ACBD6: variants seen among roughly 807,000 people sequenced by gnomAD.
The protein encoded by ACBD6 is acyl-CoA binding domain containing 6, also known as acyl-CoA-binding domain-containing protein 6.
ACBD6 carries 28 observed loss-of-function variants against 37.2 expected under a neutral mutation model. The ratio of observed to expected loss-of-function variants is 0.75; its 90% CI spans 0.56 to 1.03. The LOEUF is 1.03. Among genes scored for constraint, ACBD6 ranks in the 50% least tolerant of loss-of-function variants. The probability of loss-of-function intolerance (pLI) is 0.00; values close to 1 mark genes in which losing one functional copy is unlikely to be tolerated. For synonymous variants in ACBD6, 113 were observed against 126.8 expected, an observed-to-expected ratio of 0.89 and a Z score of 0.73; for missense variants, 340 against 337.4, an observed-to-expected ratio of 1.01 and a Z score of -0.06.
In ACBD6 at chr1:180,476,353, T is replaced by G. The variant is rs75517043; in HGVS notation, c.384+15916A>C. On this transcript the variant is annotated intron_variant, in intron 3 of 7. Coordinates refer to ENST00000367595, the MANE Select transcript of ACBD6 (RefSeq NM_032360.4). ...AGGATGTAAATAACTCCCACAAGCT[T>G]TGCATTCCAATAATGGAACACTAGG... is the stretch of plus-strand genomic sequence containing the variant. Among the ~76,000 whole-genome samples, 176 of 152,364 alleles carry G rather than the reference T, an allele frequency of 1.2e-3. 5 individuals carry two copies. In the East Asian group the frequency reaches 0.032, roughly 28 times the overall value.
chr1:180,307,491 C>T (rs1421416908), intron 7 of ACBD6, among the ~76,000 whole-genome samples: 1 of 152,018 alleles, frequency 6.6e-6, no homozygotes, highest in East Asian at 1.9e-4. Context: ...TTGTATACTT[C>T]AAAATAGGTA....
chr1:180,302,340 C>A (rs550858636), intron 7 of ACBD6, among the ~76,000 whole-genome samples: 74 of 151,588 alleles, frequency 4.9e-4, no homozygotes, highest in African/African-American at 1.7e-3. Context: ...TCAGGAATCT[C>A]CAAAATATTT....
intron 6 of ACBD6, among the ~76,000 whole-genome samples, chr1:180,349,898 G>GT (rs1558261370): frequency 6.6e-6 from 1 of 151,532 alleles, no homozygotes; most frequent in African/African-American, 2.4e-5. Flanking sequence ...ATAAAATCAC[G>GT]TAAATATTTT....
intron 3 of ACBD6, among the ~76,000 whole-genome samples, chr1:180,461,153 A>G (rs765658233): frequency 6.6e-6 from 1 of 152,210 alleles, no homozygotes; most frequent in Non-Finnish European, 1.5e-5. Context: ...ACAATTTTAG[A>G]GCTTGAAGAC....
At chr1:180,282,205 A>AT (rs1649333236) in intron 8 of ACBD6, among the ~76,000 whole-genome samples, 1 of 152,210 alleles carries the variant, frequency 6.6e-6, no homozygotes, top group Non-Finnish European at 1.5e-5. Flanking sequence ...AGCTGCCTCT[A>AT]GAGTTGTAGG....
At chr1:180,453,160 A>G in intron 3 of ACBD6, among the ~76,000 whole-genome samples, 1 of 152,238 alleles carries the variant, frequency 6.6e-6, no homozygotes, top group East Asian at 1.9e-4. Flanking sequence ...CGATGCAAAA[A>G]TCTTCAATAA....
At chr1:180,481,021 C>A (rs1251666945) in intron 3 of ACBD6, among the ~76,000 whole-genome samples, 1 of 150,400 alleles carries the variant, frequency 6.6e-6, no homozygotes, top group Non-Finnish European at 1.5e-5. Context: ...CAGAGTGAGA[C>A]TCCGTCTCAA....
At chr1:180,282,299 T>C (rs961470483) in intron 8 of ACBD6, among the ~76,000 whole-genome samples, 4 of 151,622 alleles carry the variant, frequency 2.6e-5, no homozygotes, top group African/African-American at 9.7e-5. Flanking sequence ...CTGGGAGGGG[T>C]TGGGGATTTG....
chr1:180,370,336 T>C (rs1004512845), intron 6 of ACBD6, among the ~76,000 whole-genome samples: 4 of 152,210 alleles, frequency 2.6e-5, no homozygotes, highest in Non-Finnish European at 4.4e-5. Flanking sequence ...TGTGTTTGTG[T>C]GTGTGCATAT....
chr1:180,480,033 T>C (rs955242356), intron 3 of ACBD6, among the ~76,000 whole-genome samples: 3 of 151,832 alleles, frequency 2.0e-5, no homozygotes, highest in Non-Finnish European at 4.4e-5. Context: ...ATACAAGCAG[T>C]CTGATAGTAC....
At chr1:180,273,537 G>T (rs2149268073) in intron 11 of ACBD6, 1 of 152,656 alleles carries the variant, frequency 6.6e-6, no homozygotes, top group Middle Eastern at 3.4e-3. Flanking sequence ...ATTCTTTCAA[G>T]TGGCAAAGAT....
intron 6 of ACBD6, among the ~76,000 whole-genome samples, chr1:180,355,644 T>C (rs1242504874): frequency 1.3e-5 from 2 of 152,182 alleles, no homozygotes; most frequent in African/African-American, 2.4e-5. Context: ...GTTCTTTCTT[T>C]TTCCACAGTA....
chr1:180,467,716 T>C (rs993374172), intron 3 of ACBD6, among the ~76,000 whole-genome samples: 1 of 152,144 alleles, frequency 6.6e-6, no homozygotes, highest in African/African-American at 2.4e-5. Flanking sequence ...ACCTACACTT[T>C]ATCTCATTTA....
At chr1:180,372,391 C>G (rs1203738273) in intron 6 of ACBD6, among the ~76,000 whole-genome samples, 1 of 152,076 alleles carries the variant, frequency 6.6e-6, no homozygotes, top group African/African-American at 2.4e-5. Context: ...CACCTAAAAA[C>G]AAAAACATAT....
chr1:180,469,466 C>T (rs1439467924), intron 3 of ACBD6, among the ~76,000 whole-genome samples: 1 of 152,186 alleles, frequency 6.6e-6, no homozygotes, highest in Non-Finnish European at 1.5e-5. Context: ...TATAGTAATT[C>T]TACAGAGTTT....
chr1:180,487,718 G>A (rs1266580227), intron 3 of ACBD6, among the ~76,000 whole-genome samples: 1 of 151,982 alleles, frequency 6.6e-6, no homozygotes, highest in African/African-American at 2.4e-5. Context: ...ATATGCTGAG[G>A]TTACTAAGGT....
chr1:180,302,699 G>A (rs1650180703), intron 7 of ACBD6, among the ~76,000 whole-genome samples: 1 of 151,150 alleles, frequency 6.6e-6, no homozygotes, highest in Non-Finnish European at 1.5e-5. Context: ...AGATCAATGA[G>A]ACAGAAAGTT....
In ACBD6 at chr1:180,324,773, C is replaced by T. The variant is rs185439464; in HGVS notation, c.664-10051G>A. Among the ~76,000 whole-genome samples, 11 of 152,268 alleles carry T rather than the reference C, an allele frequency of 7.2e-5. No homozygotes were observed. In the East Asian group the frequency reaches 1.9e-3, roughly 27 times the overall value. On this transcript the variant is annotated intron_variant, in intron 6 of 7. Transcript: ENST00000367595. ...ATTCCCTTTAGCATTTCTTATAGGACAGGTGTAGTGCTGACAAAATCCCTC... is the reference window on the plus strand; with the variant it reads ...ATTCCCTTTAGCATTTCTTATAGGATAGGTGTAGTGCTGACAAAATCCCTC...
At position 180,272,098 on chromosome 1, in the gene ACBD6, C is replaced by T. The variant is rs887831132; in HGVS notation, c.*1254-127G>A. On this transcript the variant is annotated intron_variant, in intron 13 of 13. Coordinates refer to the ACBD6 transcript ENST00000642319. Reference sequence around the variant, plus strand: ...CACTCAGGAGGGATCTTTCTTGAGGCCTTGGCAACTCCCTCCTGAACACAG... The same window carrying T: ...CACTCAGGAGGGATCTTTCTTGAGGTCTTGGCAACTCCCTCCTGAACACAG... 10 of 1,168,394 alleles carry T rather than the reference C, an allele frequency of 8.6e-6. No homozygotes were observed. The African/African-American group carries it at 1.5e-4, about 18-fold the overall frequency. The allele number at this position is 1,168,394 out of a possible 1,614,324, so 72.4% of individuals were successfully genotyped here.
Sources: allele counts gnomAD v4.1 joint callset (sites outside exome capture counted in the v4.1 genomes callset), GRCh38; gene constraint gnomAD v4.1.1; transcripts MANE v1.5; gene names NCBI Gene and HGNC (gene_info 2026-07-23, HGNC 2026-07-21).